The following GALNT10 variants were observed in gnomAD, a reference collection of about 807,000 sequenced individuals.
The protein encoded by GALNT10 is polypeptide N-acetylgalactosaminyltransferase 10.
In GALNT10, 41 loss-of-function variants were observed where a neutral mutation model predicts 75.0. The observed-to-expected ratio is 0.55, with a 90% CI of 0.43 to 0.71. The LOEUF (loss-of-function observed/expected upper bound fraction) is 0.71. Ranked by LOEUF, GALNT10 falls within the 30% of genes least tolerant of loss-of-function variation. The pLI is 0.00. For missense variants in GALNT10, 727 were observed against 818.5 expected, an observed-to-expected ratio of 0.89 and a Z score of 1.36; for synonymous variants, 302 against 313.0, an observed-to-expected ratio of 0.96 and a Z score of 0.37.
At position 154,412,674 on chromosome 5, in the gene GALNT10, T is replaced by C. The variant is rs2113224654; in HGVS notation, c.1387-215T>C. On this transcript the variant is annotated intron_variant, in intron 9 of 11. Coordinates refer to ENST00000297107, the MANE Select transcript of GALNT10 (RefSeq NM_198321.4). This position sits in a 1 kb window ranked among gnomAD's most constrained non-coding sequence, Gnocchi z 4.2. ...ACTCTGCATACTCTACAATACTACT[T>C]ACAGCAGTGCTTTAAGGATTACATT... 1.9e-6 allele frequency: 1 copy of C among 526,872 alleles called. No homozygotes were observed. Among genetic ancestry groups the C allele is most frequent in the Middle Eastern group, 3.6e-4 (1 of 2,794 alleles). The allele number at this position is 526,872 out of a possible 1,614,324, so 32.6% of individuals were successfully genotyped here. A position where few individuals can be genotyped will look rare whatever the true frequency, so the allele number is the denominator to read the frequency against.
At chr5:154,244,767 A>G (rs756089001) in intron 1 of GALNT10, among the ~76,000 whole-genome samples, 23 of 152,222 alleles carry the variant, frequency 1.5e-4, no homozygotes, top group Non-Finnish European at 3.2e-4. Flanking sequence ...GCCTGGAACC[A>G]GGTCTCAAGG....
chr5:154,313,893 T>C lies in GALNT10; in HGVS notation c.402-15679T>C, dbSNP rs556049149. The stretch of plus-strand genomic sequence containing the variant: ...ACACTCTACCCACTAAGACTCAGTT[T>C]CTGCCTCTTATTCTGGTGGAGCTGT... On this transcript the variant is annotated intron_variant, in intron 3 of 11. Transcript: ENST00000297107. Among the ~76,000 whole-genome samples the C allele has an allele frequency of 1.1e-4, 17 of 152,332 alleles. No individual in the cohort carries two copies. The East Asian group carries it at 3.3e-3, about 29-fold the overall frequency.
At chr5:154,256,922 ACT>A (rs1260923324) in intron 1 of GALNT10, among the ~76,000 whole-genome samples, 3 of 151,766 alleles carry the variant, frequency 2.0e-5, no homozygotes, top group Admixed American at 6.6e-5. Flanking sequence ...TCATCCATTA[ACT>A]CTTTGGTTTT....
chr5:154,325,663 A>G (rs575436292), intron 3 of GALNT10, among the ~76,000 whole-genome samples: 2 of 152,094 alleles, frequency 1.3e-5, no homozygotes, highest in East Asian at 3.9e-4. Flanking sequence ...ACAAAATCCA[A>G]CACTTCTTTT....
chr5:154,216,298 G>A (rs1368019435), intron 1 of GALNT10, among the ~76,000 whole-genome samples: 1 of 151,996 alleles, frequency 6.6e-6, no homozygotes, highest in African/African-American at 2.4e-5. Context: ...GCATTTTTAC[G>A]TGTTGAAGGT....
intron 7 of GALNT10, 83 bp downstream of exon 7, chr5:154,386,513 C>A (rs780322931): frequency 1.4e-5 from 12 of 843,680 alleles, no homozygotes. Flanking sequence ...TCTGCCTGAG[C>A]TTGGAAAGAC....
chr5:154,329,985 CTTG>C (rs1754826927), intron 4 of GALNT10: 1 of 242,160 alleles, frequency 4.1e-6, no homozygotes. Context: ...AAACAGAAAA[CTTG>C]ATAAACAATA....
chr5:154,276,107 T>C (rs1188601066), intron 1 of GALNT10, among the ~76,000 whole-genome samples: 1 of 152,190 alleles, frequency 6.6e-6, no homozygotes, highest in Non-Finnish European at 1.5e-5. Context: ...GTTTTACAGG[T>C]CATGAGTCTA....
At chr5:154,373,679 C>T (rs1160086809) in intron 4 of GALNT10, among the ~76,000 whole-genome samples, 1 of 152,106 alleles carries the variant, frequency 6.6e-6, no homozygotes, top group Non-Finnish European at 1.5e-5. Flanking sequence ...AAACTCTATG[C>T]CTTTATGAAA....
intron 1 of GALNT10, chr5:154,219,678 A>G (rs970482411): frequency 1.3e-5 from 2 of 152,172 alleles, no homozygotes; most frequent in African/African-American, 2.4e-5. Flanking sequence ...CATGTTTAAC[A>G]AGCACACGCC....
chr5:154,287,835 C>T (rs1431258147), intron 1 of GALNT10, among the ~76,000 whole-genome samples: 1 of 151,602 alleles, frequency 6.6e-6, no homozygotes, highest in African/African-American at 2.4e-5. Flanking sequence ...ATGCTTTGAG[C>T]TAAATTAAGC....
intron 1 of GALNT10, among the ~76,000 whole-genome samples, chr5:154,279,304 G>GT (rs1199051669): frequency 0.028 from 2,876 of 101,360 alleles, 112 homozygotes; most frequent in African/African-American, 0.093. Flanking sequence ...TTGTTGTTTT[G>GT]TTTTTTTTTT....
chr5:154,262,813 T>C (rs1176323291), intron 1 of GALNT10, among the ~76,000 whole-genome samples: 2 of 152,138 alleles, frequency 1.3e-5, no homozygotes, highest in Non-Finnish European at 2.9e-5. Context: ...AAATCCCTCT[T>C]CTGAACTAGA....
intron 2 of GALNT10, 45 bp downstream of exon 2, chr5:154,294,963 T>G: frequency 1.1e-6 from 1 of 870,262 alleles, no homozygotes; most frequent in Admixed American, 1.7e-5. Flanking sequence ...GTGAAGGGCA[T>G]ATGCACATAT....
chr5:154,386,701 G>A, intron 7 of GALNT10: 1 of 573,552 alleles, frequency 1.7e-6, no homozygotes. Context: ...TTCTTAAGAT[G>A]TTGGAATAAG....
chr5:154,357,753 C>T (rs1212608794), intron 4 of GALNT10, among the ~76,000 whole-genome samples: 2 of 152,144 alleles, frequency 1.3e-5, no homozygotes, highest in Non-Finnish European at 2.9e-5. Context: ...AGCTGCCTGG[C>T]GCTGGAAGTG....
intron 1 of GALNT10, among the ~76,000 whole-genome samples, chr5:154,221,776 C>T (rs1009740096): frequency 3.3e-5 from 5 of 152,204 alleles, no homozygotes; most frequent in Admixed American, 6.5e-5. Context: ...CTCCGCAGTG[C>T]GACTTGAGGC....
At chr5:154,242,575 C>T (rs1189721250) in intron 1 of GALNT10, among the ~76,000 whole-genome samples, 1 of 152,178 alleles carries the variant, frequency 6.6e-6, no homozygotes, top group Non-Finnish European at 1.5e-5. Flanking sequence ...GAGAGGGTCC[C>T]AGTGGCCAGG....
intron 4 of GALNT10, among the ~76,000 whole-genome samples, chr5:154,330,386 A>C: frequency 6.6e-6 from 1 of 152,326 alleles, no homozygotes; most frequent in African/African-American, 2.4e-5. Context: ...AGTGGATTAG[A>C]GATGTCAAGT....
Sources: allele counts gnomAD v4.1 joint callset (sites outside exome capture counted in the v4.1 genomes callset), GRCh38; gene constraint gnomAD v4.1.1; non-coding constraint Gnocchi (gnomAD v3.1); transcripts MANE v1.5; gene names NCBI Gene and HGNC (gene_info 2026-07-23, HGNC 2026-07-21).